Variants in MED13L observed in about 807,000 individuals in gnomAD.
MED13L encodes mediator of RNA polymerase II transcription subunit 13-like.
A neutral mutation model predicts 220.9 loss-of-function variants in MED13L; 7 were observed. The observed-to-expected ratio is 0.03, with a 90% confidence interval of 0.02 to 0.06. MED13L has a LOEUF of 0.06. Ranked by LOEUF, MED13L falls within the 10% of genes least tolerant of loss-of-function variation. The probability of loss-of-function intolerance (pLI) is 1.00; values close to 1 mark genes in which losing one functional copy is unlikely to be tolerated. For missense variants in MED13L, 1,965 were observed against 2,760.5 expected (o/e 0.71, Z 6.46); for synonymous variants, 1,011 against 1,015.2 (o/e 1.00, Z 0.08).
intron 2 of MED13L, among the ~76,000 whole-genome samples, chr12:116,164,285 A>C (rs1038480614): frequency 3.3e-5 from 5 of 152,260 alleles, no homozygotes; most frequent in Admixed American, 2.6e-4. Flanking sequence ...AGATATAAAA[A>C]TGTATTTAAA....
Position 115,958,847 on chromosome 12 carries a change from A to G in MED13L, c.*2419T>C, listed in dbSNP as rs888556644. On this transcript the variant is annotated 3_prime_UTR_variant, in exon 31 of 31. Coordinates refer to ENST00000281928, the MANE Select transcript of MED13L (RefSeq NM_015335.5). ...AAAAAAGGAAACAAAAGAAATTCAG[A>G]ACTTCCCAGAAATGTACAGCTTTTA... The G allele has an allele frequency of 6.6e-6, 1 of 152,604 alleles. No individual in the cohort carries two copies. Among genetic ancestry groups the G allele is most frequent in the East Asian group, 1.9e-4 (1 of 5,194 alleles). 9.5% of individuals were successfully genotyped at this position (152,604 alleles called of 1,614,324 possible).
intron 1 of MED13L, among the ~76,000 whole-genome samples, chr12:116,242,893 T>C (rs952416618): frequency 1.3e-5 from 2 of 152,214 alleles, no homozygotes; most frequent in African/African-American, 4.8e-5. Flanking sequence ...TGGTAAAAAT[T>C]AGCCCTAGAG....
intron 4 of MED13L, among the ~76,000 whole-genome samples, chr12:116,085,535 T>C (rs904623019): frequency 6.6e-6 from 1 of 152,130 alleles, no homozygotes; most frequent in Non-Finnish European, 1.5e-5. Flanking sequence ...GCATATGAAA[T>C]AGATTTACAA....
rs1488312912 is a variant in MED13L at position 116,140,669 on chromosome 12, G to A, written c.311-29157C>T. On this transcript the variant is annotated intron_variant, in intron 2 of 30. Transcript: ENST00000281928. ...AGAAAAGTACGTAATTACAAAAACT[G>A]GTTTGAAAACAAAACTTTCAACAAC... is the stretch of plus-strand genomic sequence containing the variant. 7.2e-5 allele frequency among the ~76,000 whole-genome samples: 11 copies of A among 152,068 alleles called. No individual in the cohort carries two copies. The South Asian group carries it at 1.9e-3, about 26-fold the overall frequency.
At chr12:116,252,320 T>C (rs1261419279) in intron 1 of MED13L, among the ~76,000 whole-genome samples, 1 of 152,060 alleles carries the variant, frequency 6.6e-6, no homozygotes, top group Non-Finnish European at 1.5e-5. Context: ...GCTCTAAATA[T>C]TTGTATGAGA....
intron 17 of MED13L, among the ~76,000 whole-genome samples, chr12:115,990,606 A>C (rs1333003249): frequency 6.6e-6 from 1 of 152,240 alleles, no homozygotes; most frequent in Non-Finnish European, 1.5e-5. Flanking sequence ...AAAACAGAGA[A>C]GGGAGAAGAG....
At chr12:116,119,838 A>ATATAT (rs1204568125) in intron 2 of MED13L, among the ~76,000 whole-genome samples, 30 of 31,522 alleles carry the variant, frequency 9.5e-4, no homozygotes, top group African/African-American at 1.4e-3. Context: ...AAAAAAAAAA[A>ATATAT]ATATATATAT....
intron 2 of MED13L, among the ~76,000 whole-genome samples, chr12:116,130,510 C>T (rs895155217): frequency 1.3e-5 from 2 of 152,160 alleles, no homozygotes; most frequent in Non-Finnish European, 2.9e-5. Context: ...TAGAAATGAG[C>T]AAGTCAAGCT....
intron 4 of MED13L, among the ~76,000 whole-genome samples, chr12:116,088,641 T>G (rs1017252524): frequency 2.0e-5 from 3 of 151,830 alleles, no homozygotes; most frequent in African/African-American, 7.3e-5. Context: ...GTAAAGAAAT[T>G]TCAGCTTCTG....
At chr12:116,012,499 TTAAA>T (rs1197907199) in intron 9 of MED13L, among the ~76,000 whole-genome samples, 1 of 152,198 alleles carries the variant, frequency 6.6e-6, no homozygotes, top group African/African-American at 2.4e-5. Flanking sequence ...TTAAGAGTAG[TTAAA>T]TAAAGTCATT....
intron 2 of MED13L, chr12:116,230,504 A>G (rs111817854): frequency 0.015 from 14,628 of 983,394 alleles, 133 homozygotes; most frequent in Non-Finnish European, 0.017. Flanking sequence ...GGTATCATTC[A>G]TGTTTTCAAA....
At chr12:116,004,480 GA>G (rs75236771) in intron 13 of MED13L, among the ~76,000 whole-genome samples, 5 of 149,946 alleles carry the variant, frequency 3.3e-5, no homozygotes, top group Non-Finnish European at 5.9e-5. Flanking sequence ...TATCAGACTG[GA>G]AAAAAAAATA....
chr12:116,078,443 T>C (rs753862136), intron 4 of MED13L, among the ~76,000 whole-genome samples: 4 of 152,190 alleles, frequency 2.6e-5, no homozygotes, highest in Non-Finnish European at 4.4e-5. Context: ...GTTATGAACC[T>C]GGAAAGGCCT....
At chr12:116,115,373 G>A (rs1291919100) in intron 2 of MED13L, among the ~76,000 whole-genome samples, 1 of 151,910 alleles carries the variant, frequency 6.6e-6, no homozygotes, top group Non-Finnish European at 1.5e-5. Context: ...AGACCTGAAC[G>A]CAAAACCTAA....
chr12:116,145,173 A>T (rs556786351), intron 2 of MED13L, among the ~76,000 whole-genome samples: 1 of 152,344 alleles, frequency 6.6e-6, no homozygotes, highest in Admixed American at 6.5e-5. Context: ...TTGTTTGATA[A>T]GGCAATGCCA....
chr12:116,276,373 A>G, intron 1 of MED13L: 1 of 1,136,404 alleles, frequency 8.8e-7, no homozygotes. Context: ...GTTAGGATAG[A>G]GAAAAACAGT....
chr12:115,996,245 C>T (rs1216742398), intron 16 of MED13L, among the ~76,000 whole-genome samples: 1 of 152,078 alleles, frequency 6.6e-6, no homozygotes, highest in African/African-American at 2.4e-5. Context: ...CTCCTGCCAC[C>T]AAGCCCAGCT....
chr12:116,035,602 T>TAA (rs1177932135), intron 4 of MED13L, among the ~76,000 whole-genome samples: 2 of 151,930 alleles, frequency 1.3e-5, no homozygotes, highest in African/African-American at 2.4e-5. Flanking sequence ...ATTAATTAAT[T>TAA]TATTTAGAGA....
At chr12:116,209,485 T>C (rs184802731) in intron 2 of MED13L, among the ~76,000 whole-genome samples, 142 of 152,290 alleles carry the variant, frequency 9.3e-4, no homozygotes, top group African/African-American at 3.3e-3. Flanking sequence ...TGACACATTC[T>C]CAATCTCTGG....
Sources: gnomAD v4.1 joint callset for allele counts (sites outside exome capture counted in the v4.1 genomes callset) on GRCh38, gnomAD v4.1.1 for gene constraint, MANE v1.5 for transcripts, NCBI Gene and HGNC (gene_info 2026-07-23, HGNC 2026-07-21) for gene names.